LRRC20: variants seen among roughly 807,000 people sequenced by gnomAD.
LRRC20 encodes the protein leucine-rich repeat-containing protein 20.
A neutral mutation model predicts 14.4 loss-of-function variants in LRRC20; 11 were observed. The ratio of observed to expected loss-of-function variants is 0.77; its 90% CI spans 0.48 to 1.27. LRRC20 has a LOEUF of 1.27. Among genes scored for constraint, LRRC20 ranks in the 50% most tolerant of loss-of-function variants. The probability of loss-of-function intolerance (pLI) is 0.00; values close to 1 mark genes in which losing one functional copy is unlikely to be tolerated. For missense variants in LRRC20, 219 were observed against 251.2 expected, an observed-to-expected ratio of 0.87 and a Z score of 0.87; for synonymous variants, 121 against 107.3, an observed-to-expected ratio of 1.13 and a Z score of -0.79.
At chr10:70,312,294 T>C (rs1275546417) in intron 4 of LRRC20, among the ~76,000 whole-genome samples, 1 of 152,026 alleles carries the variant, frequency 6.6e-6, no homozygotes, top group Non-Finnish European at 1.5e-5. Context: ...CCTCTCAAAA[T>C]GCCACAAGAG....
At chr10:70,355,507 G>A (rs1281516945) in intron 2 of LRRC20, among the ~76,000 whole-genome samples, 2 of 152,166 alleles carry the variant, frequency 1.3e-5, no homozygotes, top group African/African-American at 4.8e-5. Context: ...GGGCCCGGGA[G>A]GGTTGTCGGG....
In LRRC20 at chr10:70,347,833, A is replaced by AC. The variant is rs1554841351; in HGVS notation, c.83-7132dup. Among the ~76,000 whole-genome samples, 1,107 of 146,636 alleles carry AC rather than the reference A, an allele frequency of 7.5e-3. 100 individuals carry two copies. The East Asian group carries it at 0.2, about 26-fold the overall frequency. The stretch of plus-strand genomic sequence containing the variant: ...GACTCCGTCTCAAAAAAAAAAAAAA[A>AC]CCCAAAAAACACACACACACAAAAA... On this transcript the variant is annotated intron_variant, in intron 2 of 4. Transcript: ENST00000446961.
At chr10:70,340,831 GACCAGGCTTC>G in intron 2 of LRRC20, 129 bp from the exon 3 acceptor site, 1 of 966,370 alleles carries the variant, frequency 1.0e-6, no homozygotes. Flanking sequence ...GTCTCCCCAG[GACCAGGCTTC>G]AGACCCTGCC....
At chr10:70,309,209 A>G (rs1841544138) in intron 4 of LRRC20, among the ~76,000 whole-genome samples, 1 of 152,156 alleles carries the variant, frequency 6.6e-6, no homozygotes, top group African/African-American at 2.4e-5. Context: ...ATCAAACTCC[A>G]TTGGACACAG....
intron 4 of LRRC20, among the ~76,000 whole-genome samples, chr10:70,306,466 T>A (rs998449537): frequency 1.3e-5 from 2 of 152,184 alleles, no homozygotes; most frequent in Non-Finnish European, 2.9e-5. Flanking sequence ...CTTCCCTTTT[T>A]AAAAGTTCCT....
chr10:70,374,817 G>T (rs182617816), intron 2 of LRRC20, among the ~76,000 whole-genome samples: 173 of 152,238 alleles, frequency 1.1e-3, no homozygotes, highest in Non-Finnish European at 2.2e-3. Context: ...CCAGCTTTTG[G>T]GAATGAGCAA....
chr10:70,341,943 T>C (rs1842929961), intron 2 of LRRC20, among the ~76,000 whole-genome samples: 1 of 152,012 alleles, frequency 6.6e-6, no homozygotes. Flanking sequence ...AGACGGAAAG[T>C]AGATTAGCCA....
At chr10:70,337,932 G>A (rs1235907825) in intron 3 of LRRC20, among the ~76,000 whole-genome samples, 1 of 152,162 alleles carries the variant, frequency 6.6e-6, no homozygotes, top group Non-Finnish European at 1.5e-5. Flanking sequence ...GCCTGACTGT[G>A]CCCTTTCTGA....
chr10:70,377,160 G>A (rs1564651333), intron 1 of LRRC20, among the ~76,000 whole-genome samples: 2 of 152,194 alleles, frequency 1.3e-5, no homozygotes, highest in Admixed American at 6.5e-5. Context: ...GCGGTGGGTG[G>A]TCTCTAAGAA....
intron 2 of LRRC20, among the ~76,000 whole-genome samples, chr10:70,359,094 T>C (rs1193880717): frequency 6.6e-6 from 1 of 152,230 alleles, no homozygotes; most frequent in Non-Finnish European, 1.5e-5. Flanking sequence ...ACTATGGTTT[T>C]ACTGCAGCCT....
At chr10:70,337,066 C>T (rs900169129) in intron 3 of LRRC20, among the ~76,000 whole-genome samples, 2 of 152,330 alleles carry the variant, frequency 1.3e-5, no homozygotes, top group African/African-American at 4.8e-5. Flanking sequence ...AGATGACCCA[C>T]CCCTGCCAGG....
Position 70,300,923 on chromosome 10 carries a change from C to A in LRRC20, c.*431G>T. The A allele has an allele frequency of 1.0e-6, 1 of 992,190 alleles. No individual in the cohort carries two copies. The highest frequency in any genetic ancestry group is 1.2e-6 in the Non-Finnish European group (1 of 834,706). 61.5% of individuals were successfully genotyped at this position (992,190 alleles called of 1,614,324 possible). A position where few individuals can be genotyped will look rare whatever the true frequency, so the allele number is the denominator to read the frequency against. The stretch of plus-strand genomic sequence containing the variant: ...TCTCAGGGCAGCAACTGGCTCTCAG[C>A]ACTAAAAACAAGGCCTCAAACCCGC... On this transcript the variant is annotated 3_prime_UTR_variant, in exon 5 of 5. Transcript: ENST00000446961.
intron 4 of LRRC20, among the ~76,000 whole-genome samples, chr10:70,317,958 G>A (rs528571765): frequency 4.6e-5 from 7 of 152,332 alleles, no homozygotes; most frequent in Non-Finnish European, 1.0e-4. Context: ...ATTCTACTGA[G>A]GGTTGGTGGG....
At chr10:70,334,924 G>T (rs932088507) in intron 3 of LRRC20, among the ~76,000 whole-genome samples, 1 of 152,192 alleles carries the variant, frequency 6.6e-6, no homozygotes, top group African/African-American at 2.4e-5. Flanking sequence ...GGCACCAGGA[G>T]CTGCTGCCTG....
intron 4 of LRRC20, among the ~76,000 whole-genome samples, chr10:70,316,922 G>A (rs911776608): frequency 4.6e-5 from 7 of 152,242 alleles, no homozygotes; most frequent in African/African-American, 1.7e-4. Flanking sequence ...TGGGCATGCA[G>A]GCAAGAAGCT....
At chr10:70,371,580 G>T (rs1844273146) in intron 2 of LRRC20, among the ~76,000 whole-genome samples, 1 of 152,126 alleles carries the variant, frequency 6.6e-6, no homozygotes, top group African/African-American at 2.4e-5. Context: ...CTGGAGGGAA[G>T]GGTGGGGTCA....
At chr10:70,316,670 G>T (rs578182253) in intron 4 of LRRC20, among the ~76,000 whole-genome samples, 6 of 152,388 alleles carry the variant, frequency 3.9e-5, no homozygotes, top group African/African-American at 1.4e-4. Context: ...GCACCCTCGT[G>T]TCTGGGGGCC....
chr10:70,340,613 C>A lies in LRRC20; in HGVS notation c.172G>T (p.Ala58Ser), dbSNP rs766202969. 20 of 1,614,046 alleles carry A rather than the reference C, an allele frequency of 1.2e-5. No homozygotes were observed. In the Admixed American group the frequency reaches 3.3e-4, roughly 27 times the overall value. The change falls in exon 3 of 5, where the codon GCT (alanine) becomes TCT (serine). Residue 58 changes from alanine to serine, a missense_variant. Physicochemically the swap from Ala to Ser is moderately conservative, Grantham distance 99 (BLOSUM62 1). Transcript: ENST00000446961. ...VSGQIHLITLANNELKSLTSK... is the reference protein window; with the variant it reads ...VSGQIHLITLSNNELKSLTSK... Reference sequence around the variant, plus strand: ...GTGAGGGACTTAAGCTCGTTGTTAGCCAGGGTGATGAGGTGGATCTGGCCA... The same window carrying A: ...GTGAGGGACTTAAGCTCGTTGTTAGACAGGGTGATGAGGTGGATCTGGCCA...
intron 3 of LRRC20, among the ~76,000 whole-genome samples, chr10:70,339,954 C>T (rs1467781626): frequency 6.6e-6 from 1 of 151,928 alleles, no homozygotes; most frequent in Non-Finnish European, 1.5e-5. Flanking sequence ...AACCCCACCT[C>T]TATTAAAAAT....
Sources: allele counts gnomAD v4.1 joint callset (sites outside exome capture counted in the v4.1 genomes callset), GRCh38; gene constraint gnomAD v4.1.1; transcripts MANE v1.5; gene names NCBI Gene and HGNC (gene_info 2026-07-23, HGNC 2026-07-21).